The following UBQLN1 variants were observed in gnomAD, a reference collection of about 807,000 sequenced individuals.
UBQLN1 encodes the protein ubiquilin-1.
A neutral mutation model predicts 65.4 loss-of-function variants in UBQLN1; 13 were observed. The observed-to-expected ratio is 0.20, with a 90% CI of 0.13 to 0.32. UBQLN1 has a LOEUF of 0.32. Among genes scored for constraint, UBQLN1 ranks in the 10% least tolerant of loss-of-function variants. The probability of loss-of-function intolerance (pLI) is 1.00; values close to 1 mark genes in which losing one functional copy is unlikely to be tolerated. For missense variants in UBQLN1, 561 were observed against 724.0 expected, an observed-to-expected ratio of 0.77 and a Z score of 2.58; for synonymous variants, 267 against 247.8, an observed-to-expected ratio of 1.08 and a Z score of -0.73.
Position 83,707,754 on chromosome 9 carries a change from C to G in UBQLN1, c.-75G>C. The G allele has an allele frequency of 6.8e-7, 1 of 1,477,648 alleles. No homozygotes were observed. Among genetic ancestry groups the G allele is most frequent in the Non-Finnish European group, 8.9e-7 (1 of 1,124,712 alleles). 91.5% of individuals were successfully genotyped at this position (1,477,648 alleles called of 1,614,324 possible). On this transcript the variant is annotated 5_prime_UTR_variant, in exon 1 of 11. Transcript: ENST00000376395. Reference sequence around the variant, plus strand: ...GCGAGCAAGGAGGAGCCAGCAGACACCAGAGCCGGCAGGCCTGGACAGCGA... The same window carrying G: ...GCGAGCAAGGAGGAGCCAGCAGACAGCAGAGCCGGCAGGCCTGGACAGCGA...
chr9:83,685,312 T>C (rs1468414972), intron 2 of UBQLN1, among the ~76,000 whole-genome samples: 1 of 152,220 alleles, frequency 6.6e-6, no homozygotes, highest in Non-Finnish European at 1.5e-5. Flanking sequence ...GAACAGAGTT[T>C]GATACTGTAT....
intron 1 of UBQLN1, among the ~76,000 whole-genome samples, chr9:83,689,648 A>C (rs1229297579): frequency 6.6e-6 from 1 of 152,260 alleles, no homozygotes; most frequent in African/African-American, 2.4e-5. Context: ...CAAGAAATCA[A>C]GTGTTGATCA....
intron 1 of UBQLN1, among the ~76,000 whole-genome samples, chr9:83,688,353 A>T (rs754966029): frequency 1.3e-5 from 2 of 152,078 alleles, no homozygotes; most frequent in Admixed American, 6.6e-5. Flanking sequence ...TCAAACTTAG[A>T]TTTGACTTCA....
At position 83,702,055 on chromosome 9, in the gene UBQLN1, A is replaced by G. The variant is rs541969202; in HGVS notation, c.180+5445T>C. 2.6e-3 allele frequency among the ~76,000 whole-genome samples: 391 copies of G among 152,322 alleles called. 2 individuals carry two copies. The highest frequency in any genetic ancestry group is 9.0e-3 in the African/African-American group (376 of 41,566). On this transcript the variant is annotated intron_variant, in intron 1 of 10. Transcript: ENST00000376395. ...AAAACACTATGCTAAGTGAAAGCCA[A>G]TCACAAAAGACCACATGATTCCACT...
chr9:83,682,898 A>G (rs1564166604), intron 3 of UBQLN1, 53 bp downstream of exon 3: 1 of 950,990 alleles, frequency 1.1e-6, no homozygotes, highest in East Asian at 2.7e-5. Flanking sequence ...ACTACCCAGG[A>G]AGGGAAAGGA....
chr9:83,695,149 CAAA>C (rs1216870956), intron 1 of UBQLN1, among the ~76,000 whole-genome samples: 2 of 126,506 alleles, frequency 1.6e-5, no homozygotes, highest in Non-Finnish European at 1.7e-5. Context: ...CAGAATCACC[CAAA>C]AAAAAAAAAA....
chr9:83,697,745 T>C (rs1832243338), intron 1 of UBQLN1, among the ~76,000 whole-genome samples: 1 of 143,584 alleles, frequency 7.0e-6, no homozygotes, highest in Non-Finnish European at 1.5e-5. Flanking sequence ...TTTTTTTTTT[T>C]TTTTTTTTGA....
chr9:83,707,885 C>T lies in UBQLN1; in HGVS notation c.-206G>A. On this transcript the variant is annotated 5_prime_UTR_variant, in exon 1 of 11. Coordinates refer to ENST00000376395, the MANE Select transcript of UBQLN1 (RefSeq NM_013438.5). ...CTCTGGCGCAGGCCCGGGTCAGGCG[C>T]TCGGCAGCCGCCGTGTGTTCAGGCG... 1.5e-6 allele frequency: 1 copy of T among 656,052 alleles called. No individual in the cohort carries two copies. The highest frequency in any genetic ancestry group is 2.5e-5 in the South Asian group (1 of 39,356). The allele number at this position is 656,052 out of a possible 1,614,324, so 40.6% of individuals were successfully genotyped here.
intron 1 of UBQLN1, among the ~76,000 whole-genome samples, chr9:83,691,473 A>T (rs1418064784): frequency 6.6e-6 from 1 of 152,192 alleles, no homozygotes; most frequent in Non-Finnish European, 1.5e-5. Context: ...GAGTCTCCTA[A>T]CCATGAGTTG....
intron 8 of UBQLN1, 152 bp from the exon 9 acceptor site, chr9:83,665,297 G>A (rs776185980): frequency 5.9e-6 from 3 of 505,916 alleles, no homozygotes; most frequent in African/African-American, 2.0e-5. Context: ...ATAAACGCAA[G>A]TATCTCCTCT....
At chr9:83,668,771 A>G (rs1399974772) in intron 7 of UBQLN1, 1 of 352,828 alleles carries the variant, frequency 2.8e-6, no homozygotes, top group East Asian at 1.7e-4. Context: ...TACAACTGCC[A>G]TTCTGAGCAT....
chr9:83,696,306 C>T (rs992660961), intron 1 of UBQLN1, among the ~76,000 whole-genome samples: 1 of 152,164 alleles, frequency 6.6e-6, no homozygotes, highest in Non-Finnish European at 1.5e-5. Context: ...GTAGTTGCAG[C>T]TGCTGGTACA....
chr9:83,678,023 C>CT (rs386415305), intron 5 of UBQLN1, 62 bp from the exon 6 acceptor site: 256,923 of 920,238 alleles, frequency 0.28, 9,406 homozygotes, highest in East Asian at 0.51. Context: ...AGATATGAAA[C>CT]TTTTTTTTTT....
intron 6 of UBQLN1, among the ~76,000 whole-genome samples, chr9:83,675,307 A>G (rs1388140962): frequency 6.6e-6 from 1 of 152,172 alleles, no homozygotes; most frequent in Non-Finnish European, 1.5e-5. Context: ...TACTATATGA[A>G]TTCGTTTTTG....
intron 6 of UBQLN1, among the ~76,000 whole-genome samples, chr9:83,673,460 T>C (rs913966931): frequency 7.0e-6 from 1 of 142,334 alleles, no homozygotes; most frequent in Non-Finnish European, 1.5e-5. Context: ...CACGAGAATC[T>C]CTAGAACCTG....
At chr9:83,674,196 A>AT (rs1197309135) in intron 6 of UBQLN1, among the ~76,000 whole-genome samples, 4 of 152,014 alleles carry the variant, frequency 2.6e-5, no homozygotes, top group Non-Finnish European at 5.9e-5. Flanking sequence ...AAAAAAAAAA[A>AT]AATAACCAGT....
chr9:83,698,724 G>A (rs1414037744), intron 1 of UBQLN1, among the ~76,000 whole-genome samples: 2 of 151,994 alleles, frequency 1.3e-5, no homozygotes, highest in Admixed American at 6.6e-5. Context: ...GACCAACCTG[G>A]GCAACATGGT....
chr9:83,689,539 A>G (rs931135122), intron 1 of UBQLN1, among the ~76,000 whole-genome samples: 1 of 152,236 alleles, frequency 6.6e-6, no homozygotes, highest in African/African-American at 2.4e-5. Context: ...ATTAGACTAC[A>G]TATGCTGGGC....
At chr9:83,701,240 A>G (rs759527590) in intron 1 of UBQLN1, among the ~76,000 whole-genome samples, 1 of 152,094 alleles carries the variant, frequency 6.6e-6, no homozygotes. Context: ...AATAAAAATA[A>G]CATCCTTATG....
Sources: gnomAD v4.1 joint callset for allele counts (sites outside exome capture counted in the v4.1 genomes callset) on GRCh38, gnomAD v4.1.1 for gene constraint, MANE v1.5 for transcripts, NCBI Gene and HGNC (gene_info 2026-07-23, HGNC 2026-07-21) for gene names.